Variants in SPAG16 observed in about 807,000 individuals in gnomAD.
SPAG16 encodes sperm associated antigen 16.
SPAG16 carries 86 observed loss-of-function variants against 80.4 expected under a neutral mutation model. The observed-to-expected ratio is 1.07, with a 90% CI of 0.90 to 1.28. The LOEUF is 1.28. SPAG16 is among the 50% of genes most tolerant of loss of function. The pLI, the probability that SPAG16 is intolerant of heterozygous loss-of-function variation, is 0.00. For synonymous variants in SPAG16, 294 were observed against 265.9 expected (o/e 1.11, Z -1.03); for missense variants, 870 against 765.3 (o/e 1.14, Z -1.61).
At chr2:214,280,171 T>C (rs1268497210) in intron 15 of SPAG16, among the ~76,000 whole-genome samples, 2 of 152,184 alleles carry the variant, frequency 1.3e-5, no homozygotes, top group East Asian at 3.9e-4. Context: ...TGGTTTAATA[T>C]TTGAAATCAG....
chr2:214,228,371 T>G (rs1413595891), intron 15 of SPAG16, among the ~76,000 whole-genome samples: 1 of 151,954 alleles, frequency 6.6e-6, no homozygotes, highest in East Asian at 1.9e-4. Context: ...TAATTTATCA[T>G]GTTAACATAT....
chr2:213,350,634 G>T lies in SPAG16; in HGVS notation c.751G>T (p.Val251Leu). The T allele has an allele frequency of 6.3e-7, 1 of 1,583,496 alleles. No homozygotes were observed. The highest frequency in any genetic ancestry group is 8.6e-7 in the Non-Finnish European group (1 of 1,167,768). ...GCTGACCTCCTTGGAAAGAGACAAA[G>T]TAGTTGGGCAGGTAAAGATATAGTC... is the stretch of plus-strand genomic sequence containing the variant. ...KMLTSLERDKVVGQISGLQET... is the reference protein window; with the variant it reads ...KMLTSLERDKLVGQISGLQET... Residue 251 changes from valine (V) to leucine (L), a missense_variant, in exon 7 of 16, where the codon GTA (valine) becomes TTA (leucine). Coordinates refer to ENST00000331683, the MANE Select transcript of SPAG16 (RefSeq NM_024532.5).
Position 213,425,343 on chromosome 2 carries a change from C to A in SPAG16, c.942+50224C>A, listed in dbSNP as rs540652367. On this transcript the variant is annotated intron_variant, in intron 9 of 15. Coordinates refer to ENST00000331683, the MANE Select transcript of SPAG16 (RefSeq NM_024532.5). ...TCCAAAAAAAGAATGTGTGGCAATA[C>A]TACATTAGTGCATATAAATGTGTAG... Among the ~76,000 whole-genome samples, 243 of 149,940 alleles carry A rather than the reference C, an allele frequency of 1.6e-3. 1 individual carries two copies. The highest frequency in any genetic ancestry group is 3.5e-3 in the Admixed American group (52 of 14,952).
chr2:213,430,878 A>G (rs1360023968), intron 9 of SPAG16, among the ~76,000 whole-genome samples: 2 of 152,220 alleles, frequency 1.3e-5, no homozygotes, highest in Non-Finnish European at 2.9e-5. Flanking sequence ...ACCAAGAGCA[A>G]CTTTCCAGCA....
chr2:213,289,698 C>A (rs887226505), intron 1 of SPAG16, among the ~76,000 whole-genome samples: 1 of 152,130 alleles, frequency 6.6e-6, no homozygotes, highest in Non-Finnish European at 1.5e-5. Context: ...CATGGAAGAT[C>A]CAGGCTAGAT....
At chr2:213,446,080 A>G (rs900898481) in intron 9 of SPAG16, among the ~76,000 whole-genome samples, 1 of 152,188 alleles carries the variant, frequency 6.6e-6, no homozygotes, top group African/African-American at 2.4e-5. Context: ...AAAGAATATA[A>G]AAGCAGAAAG....
intron 11 of SPAG16, among the ~76,000 whole-genome samples, chr2:213,923,073 C>G (rs963632688): frequency 2.6e-5 from 4 of 152,110 alleles, no homozygotes; most frequent in Non-Finnish European, 5.9e-5. Context: ...CTACCCTGAC[C>G]TCCTGGTGTT....
chr2:214,265,274 C>A (rs879644605), intron 15 of SPAG16, among the ~76,000 whole-genome samples: 8 of 152,032 alleles, frequency 5.3e-5, no homozygotes, highest in Admixed American at 3.3e-4. Context: ...TTTGTTATAT[C>A]CGCATTATGG....
intron 9 of SPAG16, among the ~76,000 whole-genome samples, chr2:213,426,753 T>TGG (rs1482261906): frequency 3.0e-5 from 4 of 132,344 alleles, no homozygotes; most frequent in African/African-American, 6.2e-5. Flanking sequence ...AGCATAAATC[T>TGG]GGTGTGTGTG....
intron 13 of SPAG16, among the ~76,000 whole-genome samples, chr2:214,082,969 G>T (rs1403315285): frequency 6.6e-6 from 1 of 151,998 alleles, no homozygotes; most frequent in Non-Finnish European, 1.5e-5. Flanking sequence ...TGAAATAATT[G>T]CAGTCTTCTC....
chr2:214,266,554 C>A (rs1691586606), intron 15 of SPAG16, among the ~76,000 whole-genome samples: 1 of 151,660 alleles, frequency 6.6e-6, no homozygotes, highest in Admixed American at 6.6e-5. Context: ...TTCTCTAAGA[C>A]CACTTCTGTT....
At position 213,481,829 on chromosome 2, in the gene SPAG16, G is replaced by A. The variant is rs187915082; in HGVS notation, c.943-8134G>A. Among the ~76,000 whole-genome samples the A allele has an allele frequency of 7.8e-3, 1,191 of 152,330 alleles. 15 individuals carry two copies. Among genetic ancestry groups the A allele is most frequent in the Non-Finnish European group, 6.9e-3 (472 of 68,026 alleles). On this transcript the variant is annotated intron_variant, in intron 9 of 15. Coordinates refer to ENST00000331683, the MANE Select transcript of SPAG16 (RefSeq NM_024532.5). Reference sequence around the variant, plus strand: ...TCATTATTCCCATTTCTCAGAAAAGGTCTGTGCAAGAGAAGGGCACAGACT... The same window carrying A: ...TCATTATTCCCATTTCTCAGAAAAGATCTGTGCAAGAGAAGGGCACAGACT...
chr2:213,348,910 A>G (rs1160400491), intron 6 of SPAG16, among the ~76,000 whole-genome samples: 2 of 151,902 alleles, frequency 1.3e-5, no homozygotes, highest in African/African-American at 4.8e-5. Context: ...ATTTCCTTCT[A>G]CTTTGCTCTT....
At chr2:214,015,396 C>G (rs2047537180) in intron 13 of SPAG16, among the ~76,000 whole-genome samples, 1 of 151,948 alleles carries the variant, frequency 6.6e-6, no homozygotes, top group Admixed American at 6.6e-5. Context: ...GTCAGGAGTT[C>G]CAGACCAGCC....
intron 10 of SPAG16, among the ~76,000 whole-genome samples, chr2:213,646,389 A>G (rs2062827202): frequency 6.6e-6 from 1 of 152,202 alleles, no homozygotes; most frequent in African/African-American, 2.4e-5. Flanking sequence ...AGTATTATCA[A>G]CAATATATAA....
At chr2:213,976,327 T>C (rs1464407550) in intron 12 of SPAG16, among the ~76,000 whole-genome samples, 1 of 148,730 alleles carries the variant, frequency 6.7e-6, no homozygotes, top group African/African-American at 2.6e-5. Flanking sequence ...TGTGTACGCA[T>C]GTGTGCACAT....
chr2:213,862,368 C>T, intron 10 of SPAG16, 117 bp from the exon 11 acceptor site: 1 of 1,308,184 alleles, frequency 7.6e-7, no homozygotes, highest in South Asian at 1.4e-5. Context: ...GGGGCCAGTA[C>T]TCTCAAAACT....
At chr2:213,717,423 G>C (rs1173349238) in intron 10 of SPAG16, among the ~76,000 whole-genome samples, 1 of 152,102 alleles carries the variant, frequency 6.6e-6, no homozygotes, top group East Asian at 1.9e-4. Context: ...GCTTCCCAAA[G>C]TGCTGGGATT....
chr2:214,025,598 T>G (rs1426219522), intron 13 of SPAG16, among the ~76,000 whole-genome samples: 1 of 151,684 alleles, frequency 6.6e-6, no homozygotes, highest in Non-Finnish European at 1.5e-5. Context: ...TTGTGGCAAG[T>G]GTTTCCGGCA....
Sources: gnomAD v4.1 joint callset for allele counts (sites outside exome capture counted in the v4.1 genomes callset) on GRCh38, gnomAD v4.1.1 for gene constraint, MANE v1.5 for transcripts, NCBI Gene and HGNC (gene_info 2026-07-23, HGNC 2026-07-21) for gene names.